TMEM131L: variants seen among roughly 807,000 people sequenced by gnomAD.
TMEM131L encodes the protein transmembrane protein 131-like.
A neutral mutation model predicts 192.2 loss-of-function variants in TMEM131L; 54 were observed. The observed-to-expected ratio is 0.28, with a 90% confidence interval of 0.23 to 0.35. The LOEUF is 0.35. Among genes scored for constraint, TMEM131L ranks in the 10% least tolerant of loss-of-function variants. The pLI is 1.00. For synonymous variants in TMEM131L, 701 were observed against 704.9 expected, an observed-to-expected ratio of 0.99 and a Z score of 0.09; for missense variants, 1,888 against 1,972.9, an observed-to-expected ratio of 0.96 and a Z score of 0.82.
Position 153,635,520 on chromosome 4 carries a change from C to A in TMEM131L, c.4506C>A (p.Thr1502=), listed in dbSNP as rs753828462. ...ACAACTCTCAGTCTACCTGGAACAC[C>A]CCACCCAACATGCCTGCTGCCTGGG... ...IDHNSQSTWN[T]PPNMPAAWGH... Residue 1502 remains threonine (T), a synonymous_variant, in exon 34 of 35, where the codon ACC becomes ACA. Coordinates refer to ENST00000409959, the MANE Select transcript of TMEM131L (RefSeq NM_001131007.2). 134 of 1,613,994 alleles carry A rather than the reference C, an allele frequency of 8.3e-5. No individual in the cohort carries two copies. Among genetic ancestry groups the A allele is most frequent in the Non-Finnish European group, 5.9e-6 (7 of 1,179,984 alleles).
intron 11 of TMEM131L, among the ~76,000 whole-genome samples, chr4:153,584,009 C>T (rs1730536536): frequency 6.6e-6 from 1 of 152,158 alleles, no homozygotes; most frequent in Non-Finnish European, 1.5e-5. Flanking sequence ...ATTTAAAATG[C>T]ACATATTTAC....
Position 153,589,022 on chromosome 4 carries a change from T to C in TMEM131L, c.1670+15T>C. The C allele has an allele frequency of 7.3e-7, 1 of 1,366,602 alleles. No homozygotes were observed. The highest frequency in any genetic ancestry group is 1.0e-6 in the Non-Finnish European group (1 of 955,878). 84.7% of individuals were successfully genotyped at this position (1,366,602 alleles called of 1,614,324 possible). ...GACGTCTGCAAGTACGTCTCCACTG[T>C]CTTCTTTTTTGTTCGGTGGTGGGGA... On this transcript the variant is annotated intron_variant, in intron 16 of 34. Transcript: ENST00000409959.
chr4:153,628,652 A>AC (rs200567610), intron 31 of TMEM131L, among the ~76,000 whole-genome samples: 4,118 of 152,252 alleles, frequency 0.027, 136 homozygotes, highest in Middle Eastern at 0.078. Flanking sequence ...TTCAATTAAA[A>AC]AAATCTAAAA....
At chr4:153,540,944 CTG>C (rs1736732801) in intron 3 of TMEM131L, among the ~76,000 whole-genome samples, 1 of 152,144 alleles carries the variant, frequency 6.6e-6, no homozygotes. Flanking sequence ...CTGGCAAACT[CTG>C]TTAATGCTGG....
intron 2 of TMEM131L, among the ~76,000 whole-genome samples, chr4:153,473,582 A>G (rs568160009): frequency 6.6e-6 from 1 of 152,298 alleles, no homozygotes; most frequent in East Asian, 1.9e-4. Context: ...TCACAAGGTC[A>G]GGAGTTTGAG....
intron 26 of TMEM131L, among the ~76,000 whole-genome samples, chr4:153,620,342 A>G (rs144040975): frequency 4.6e-4 from 70 of 152,362 alleles, no homozygotes; most frequent in African/African-American, 1.5e-3. Context: ...AAGTTCGTCT[A>G]TAAACAAAAA....
intron 3 of TMEM131L, among the ~76,000 whole-genome samples, chr4:153,528,127 T>A (rs1302549744): frequency 6.6e-6 from 1 of 152,220 alleles, no homozygotes; most frequent in African/African-American, 2.4e-5. Context: ...GTTATACATT[T>A]TGAAAGCCTC....
At chr4:153,613,319 A>G (rs1196555749) in intron 26 of TMEM131L, among the ~76,000 whole-genome samples, 1 of 152,254 alleles carries the variant, frequency 6.6e-6, no homozygotes, top group Non-Finnish European at 1.5e-5. Context: ...ATAACCACAG[A>G]ACAGATTGGA....
At chr4:153,550,044 C>G in intron 3 of TMEM131L, 29 bp from the exon 4 acceptor site, 1 of 1,245,856 alleles carries the variant, frequency 8.0e-7, no homozygotes, top group Non-Finnish European at 1.1e-6. Context: ...AAAACTACAA[C>G]AAAATCAACC....
At chr4:153,513,266 C>T (rs1734485428) in intron 3 of TMEM131L, among the ~76,000 whole-genome samples, 1 of 152,134 alleles carries the variant, frequency 6.6e-6, no homozygotes, top group African/African-American at 2.4e-5. Flanking sequence ...ATATACTTAC[C>T]AGAGAAAACT....
At chr4:153,568,188 A>G (rs73856917) in intron 7 of TMEM131L, among the ~76,000 whole-genome samples, 17,234 of 152,144 alleles carry the variant, frequency 0.11, 2,931 homozygotes, top group African/African-American at 0.37. Flanking sequence ...ACTTGGGAAG[A>G]GGGGAGGTAG....
chr4:153,592,371 T>C, intron 17 of TMEM131L, 104 bp from the exon 18 acceptor site: 1 of 726,078 alleles, frequency 1.4e-6, no homozygotes, highest in Non-Finnish European at 2.5e-6. Context: ...TGATTGGAGT[T>C]ACATGATATT....
intron 2 of TMEM131L, among the ~76,000 whole-genome samples, chr4:153,472,134 A>G (rs1302789340): frequency 6.6e-6 from 1 of 152,184 alleles, no homozygotes; most frequent in African/African-American, 2.4e-5. Context: ...ATGCTTTATG[A>G]GTATTAACTC....
intron 3 of TMEM131L, among the ~76,000 whole-genome samples, chr4:153,519,580 C>T (rs1238795633): frequency 6.6e-6 from 1 of 152,124 alleles, no homozygotes; most frequent in East Asian, 1.9e-4. Flanking sequence ...AATGACCAAG[C>T]AATCTTAAAC....
chr4:153,563,759 G>A (rs914780290), intron 7 of TMEM131L, among the ~76,000 whole-genome samples: 46 of 152,032 alleles, frequency 3.0e-4, no homozygotes, highest in Admixed American at 4.6e-4. Flanking sequence ...AAACCACCAC[G>A]CCTGGCCTGG....
Position 153,621,835 on chromosome 4 carries a change from C to T in TMEM131L, c.3845C>T (p.Ala1282Val). 2 of 1,613,904 alleles carry T rather than the reference C, an allele frequency of 1.2e-6. No homozygotes were observed. The highest frequency in any genetic ancestry group is 1.7e-6 in the Non-Finnish European group (2 of 1,179,882). ...GAAATTGCAAGCAGTTTACCTGCTGCCCAGAGAGAGGCAGGTATGTAATGA... is the reference window on the plus strand; with the variant it reads ...GAAATTGCAAGCAGTTTACCTGCTGTCCAGAGAGAGGCAGGTATGTAATGA... ...DAEIASSLPA[A>V]QREAEGYYQK... The change falls in exon 28 of 35, where the codon GCC becomes GTC. Residue 1282 changes from alanine to valine, a missense_variant. Transcript: ENST00000409959.
In TMEM131L at chr4:153,592,504, C is replaced by G. The variant is rs1466251642; in HGVS notation, c.1842C>G (p.Ser614=). 6.2e-7 allele frequency: 1 copy of G among 1,614,000 alleles called. No individual in the cohort carries two copies. The highest frequency in any genetic ancestry group is 8.5e-7 in the Non-Finnish European group (1 of 1,180,010). ...MIKYFVVQNP[S]SWPVSLQLLP... Reference sequence around the variant, plus strand: ...AGTACTTTGTGGTGCAGAACCCGTCCTCTTGGCCGGTCTCCTTGCAGCTCC... The same window carrying G: ...AGTACTTTGTGGTGCAGAACCCGTCGTCTTGGCCGGTCTCCTTGCAGCTCC... The change falls in exon 18 of 35, where the codon TCC becomes TCG. Residue 614 remains serine, a synonymous_variant. Coordinates refer to ENST00000409959, the MANE Select transcript of TMEM131L (RefSeq NM_001131007.2).
At position 153,478,862 on chromosome 4, in the gene TMEM131L, G is replaced by A. The variant is rs148842525; in HGVS notation, c.239+4974G>A. ...ATTTTAATTTTAATAACTACCCCACGATACCAGCTTAATGAAGGTCAGGTG... is the reference window on the plus strand; with the variant it reads ...ATTTTAATTTTAATAACTACCCCACAATACCAGCTTAATGAAGGTCAGGTG... On this transcript the variant is annotated intron_variant, in intron 3 of 34. Transcript: ENST00000409959. 1.0e-3 allele frequency among the ~76,000 whole-genome samples: 158 copies of A among 151,522 alleles called. 1 individual carries two copies. Among genetic ancestry groups the A allele is most frequent in the African/African-American group, 3.7e-3 (150 of 40,960 alleles).
intron 29 of TMEM131L, among the ~76,000 whole-genome samples, chr4:153,625,679 A>G (rs11737098): frequency 0.51 from 78,105 of 151,896 alleles, 20,835 homozygotes; most frequent in African/African-American, 0.63. Flanking sequence ...AGGCCGAGGC[A>G]GGTGGATCAC....
Sources: allele counts gnomAD v4.1 joint callset (sites outside exome capture counted in the v4.1 genomes callset), GRCh38; gene constraint gnomAD v4.1.1; transcripts MANE v1.5; gene names NCBI Gene and HGNC (gene_info 2026-07-23, HGNC 2026-07-21).